Variants in LCA5 observed in about 807,000 individuals in gnomAD.
LCA5 encodes lebercilin.
LCA5 carries 37 observed loss-of-function variants against 53.0 expected under a neutral mutation model. The observed-to-expected ratio is 0.70, with a 90% CI of 0.54 to 0.92. The LOEUF (loss-of-function observed/expected upper bound fraction) is 0.92. LCA5 is among the 40% of genes least tolerant of loss of function. The pLI is 0.00. For synonymous variants in LCA5, 303 were observed against 282.9 expected, an observed-to-expected ratio of 1.07 and a Z score of -0.71; for missense variants, 806 against 790.5, an observed-to-expected ratio of 1.02 and a Z score of -0.23.
At chr6:79,537,454 A>G (rs1767186650), upstream of LCA5, 1 of 152,280 alleles carries the variant, frequency 6.6e-6, no homozygotes, top group Non-Finnish European at 1.5e-5. Flanking sequence ...ACCGCAGCCA[A>G]TCATGATGAC....
chr6:79,536,626 T>C (rs938715775), intron 1 of LCA5, among the ~76,000 whole-genome samples: 1 of 152,182 alleles, frequency 6.6e-6, no homozygotes, highest in Admixed American at 6.5e-5. Context: ...CTGAAGGATG[T>C]ATAGAAGTAT....
At chr6:79,527,570 G>A (rs113502743) in intron 1 of LCA5, among the ~76,000 whole-genome samples, 17 of 152,266 alleles carry the variant, frequency 1.1e-4, no homozygotes, top group African/African-American at 3.8e-4. Flanking sequence ...GCATGACTCC[G>A]CCCCAGCTGG....
intron 1 of LCA5, among the ~76,000 whole-genome samples, chr6:79,525,833 A>T (rs1405247812): frequency 6.6e-6 from 1 of 152,174 alleles, no homozygotes; most frequent in Non-Finnish European, 1.5e-5. Context: ...AGGAGCCACA[A>T]GCCGGAGCAG....
chr6:79,523,063 T>C lies in LCA5; in HGVS notation c.-191-3978A>G, dbSNP rs543138557. Among the ~76,000 whole-genome samples, 3 of 152,270 alleles carry C rather than the reference T, an allele frequency of 2.0e-5. No individual in the cohort carries two copies. The South Asian group carries it at 6.3e-4, about 32-fold the overall frequency. On this transcript the variant is annotated intron_variant, in intron 1 of 7. Transcript: ENST00000369846. The stretch of plus-strand genomic sequence containing the variant: ...GTGAGTTGATGATTATGTAAACTGA[T>C]AGAAGACTTTTGAATTAATTATTCT...
chr6:79,531,197 G>A (rs1442775551), intron 1 of LCA5, among the ~76,000 whole-genome samples: 1 of 152,072 alleles, frequency 6.6e-6, no homozygotes, highest in Non-Finnish European at 1.5e-5. Flanking sequence ...CCTCATCTTT[G>A]AAGCCACCTC....
At chr6:79,493,473 T>G in intron 4 of LCA5, 140 bp downstream of exon 4, 1 of 809,356 alleles carries the variant, frequency 1.2e-6, no homozygotes, top group South Asian at 1.8e-5. Flanking sequence ...AAACCTTTTC[T>G]AAGTGCTAAA....
chr6:79,493,659 T>C lies in LCA5; in HGVS notation c.812A>G (p.Asn271Ser), dbSNP rs139112599. Residue 271 changes from asparagine (N) to serine (S), a missense_variant, in exon 4 of 8, where the codon AAT (asparagine) becomes AGT (serine). Physicochemically the swap from Asn to Ser is conservative, Grantham distance 46. Transcript: ENST00000369846. ...RKRAYEAHDE[N>S]KVLQKEVQRL... is the part of the protein sequence containing the mutation. Reference sequence around the variant, plus strand: ...CTGTACCTCCTTTTGAAGAACTTTATTTTCATCATGAGCCTCATATGCCCT... The same window carrying C: ...CTGTACCTCCTTTTGAAGAACTTTACTTTCATCATGAGCCTCATATGCCCT... 7.7e-5 allele frequency: 124 copies of C among 1,613,604 alleles called. No homozygotes were observed. The highest frequency in any genetic ancestry group is 1.8e-4 in the East Asian group (8 of 44,842).
chr6:79,504,824 ATATC>A (rs1321063786), intron 3 of LCA5, among the ~76,000 whole-genome samples: 2 of 152,220 alleles, frequency 1.3e-5, no homozygotes, highest in Admixed American at 6.5e-5. Flanking sequence ...ATACACATAC[ATATC>A]TATCTAAATA....
intron 3 of LCA5, among the ~76,000 whole-genome samples, chr6:79,494,262 A>G (rs1243871574): frequency 3.3e-5 from 5 of 152,050 alleles, no homozygotes; most frequent in African/African-American, 7.2e-5. Context: ...GCACACACAC[A>G]TTGCTTGGGC....
In LCA5 at chr6:79,519,160, A is replaced by C. The variant is rs961331733; in HGVS notation, c.-191-75T>G. ...TCTACAGTTAATTACAATGAAAGAC[A>C]CTAAAAGCAAAATAATATATAGCTT... On this transcript the variant is annotated intron_variant, in intron 1 of 7. Transcript: ENST00000369846. 3 of 489,128 alleles carry C rather than the reference A, an allele frequency of 6.1e-6. No individual in the cohort carries two copies. The Admixed American group carries it at 1.0e-4, about 17-fold the overall frequency. The allele number at this position is 489,128 out of a possible 1,614,324, so 30.3% of individuals were successfully genotyped here.
At position 79,513,634 on chromosome 6, in the gene LCA5, C is replaced by T. The variant is rs754624675; in HGVS notation, c.298G>A (p.Val100Ile). The T allele has an allele frequency of 7.4e-6, 12 of 1,613,744 alleles. No individual in the cohort carries two copies. Among genetic ancestry groups the T allele is most frequent in the Non-Finnish European group, 9.3e-6 (11 of 1,179,858 alleles). Reference sequence around the variant, plus strand: ...CTTGCAGACAGAATCCGTTTTGTAACAAGATCAGTATCTTTCCGAAGTGGC... The same window carrying T: ...CTTGCAGACAGAATCCGTTTTGTAATAAGATCAGTATCTTTCCGAAGTGGC... ...REPLRKDTDL[V>I]TKRILSARLL... The change falls in exon 3 of 8, where the codon GTT (valine) becomes ATT (isoleucine). Residue 100 changes from valine (V) to isoleucine (I), a missense_variant. Physicochemically the swap from Val to Ile is conservative, Grantham distance 29. Coordinates refer to ENST00000369846, the MANE Select transcript of LCA5 (RefSeq NM_001122769.3).
chr6:79,535,533 G>A (rs565031150), intron 1 of LCA5, among the ~76,000 whole-genome samples: 14 of 152,138 alleles, frequency 9.2e-5, no homozygotes, highest in South Asian at 2.1e-4. Context: ...AAGAACTTGA[G>A]TAAATTCCAA....
At chr6:79,533,054 T>C (rs1187793701) in intron 1 of LCA5, among the ~76,000 whole-genome samples, 1 of 152,154 alleles carries the variant, frequency 6.6e-6, no homozygotes, top group Non-Finnish European at 1.5e-5. Flanking sequence ...CAAAAAGTTT[T>C]CCTCAGAGTC....
intron 1 of LCA5, 93 bp from the exon 2 acceptor site, chr6:79,519,178 T>C: frequency 6.9e-6 from 3 of 436,484 alleles, no homozygotes; most frequent in South Asian, 5.0e-5. Flanking sequence ...CAAAATAATA[T>C]ATAGCTTACA....
intron 1 of LCA5, among the ~76,000 whole-genome samples, chr6:79,522,518 C>T (rs1460306698): frequency 6.6e-6 from 1 of 151,834 alleles, no homozygotes; most frequent in East Asian, 1.9e-4. Flanking sequence ...ACAGGAAAAA[C>T]TAGATTCTTT....
rs775750594 is a variant in LCA5 at position 79,513,427 on chromosome 6, T to C, written c.505A>G (p.Thr169Ala). The C allele has an allele frequency of 6.2e-7, 1 of 1,613,950 alleles. No homozygotes were observed. Among genetic ancestry groups the C allele is most frequent in the South Asian group, 1.1e-5 (1 of 91,076 alleles). ...TTTCTTAAGCGTTCTTTGAGTGCTG[T>C]AATCTCATTGTTATGACGAAATATA... ...QLIFRHNNEI[T>A]ALKERLRKSQ... The change falls in exon 3 of 8, where the codon ACA (threonine) becomes GCA (alanine). Residue 169 changes from threonine to alanine, a missense_variant. Thr to Ala is a moderately conservative substitution (Grantham distance 58). Transcript: ENST00000369846.
chr6:79,530,489 A>T (rs1766926081), intron 1 of LCA5, among the ~76,000 whole-genome samples: 1 of 152,190 alleles, frequency 6.6e-6, no homozygotes. Flanking sequence ...AAATCTGCAC[A>T]TGTACCCCTG....
At chr6:79,533,575 C>T (rs1476410002) in intron 1 of LCA5, among the ~76,000 whole-genome samples, 12 of 149,758 alleles carry the variant, frequency 8.0e-5, no homozygotes, top group African/African-American at 2.9e-4. Context: ...CAAAAGTAAA[C>T]TCTCCTTTAA....
At chr6:79,538,485 T>C (rs1767224730), upstream of LCA5, among the ~76,000 whole-genome samples, 1 of 152,212 alleles carries the variant, frequency 6.6e-6, no homozygotes, top group Admixed American at 6.5e-5. Context: ...GTATGCGAAA[T>C]ACATCTGTAC....
Sources: gnomAD v4.1 joint callset for allele counts (sites outside exome capture counted in the v4.1 genomes callset) on GRCh38, gnomAD v4.1.1 for gene constraint, MANE v1.5 for transcripts, NCBI Gene and HGNC (gene_info 2026-07-23, HGNC 2026-07-21) for gene names.